The following PRKN variants were observed in gnomAD, a reference collection of about 807,000 sequenced individuals.
PRKN encodes the protein E3 ubiquitin-protein ligase parkin.
Under a neutral mutation model 59.5 loss-of-function variants are expected in PRKN, and 56 were observed. The observed-to-expected ratio is 0.94, with a 90% CI of 0.76 to 1.18. The LOEUF (loss-of-function observed/expected upper bound fraction) is 1.18, where lower values mean the gene tolerates loss of function less well. Ranked by LOEUF, PRKN falls within the 50% of genes most tolerant of loss-of-function variation. The pLI, the probability that PRKN is intolerant of heterozygous loss-of-function variation, is 0.00. For synonymous variants in PRKN, 250 were observed against 222.1 expected (o/e 1.13, Z -1.12); for missense variants, 657 against 596.4 (o/e 1.10, Z -1.06).
At chr6:162,430,572 G>A (rs906542699) in intron 2 of PRKN, among the ~76,000 whole-genome samples, 9 of 143,728 alleles carry the variant, frequency 6.3e-5, no homozygotes, top group African/African-American at 1.9e-4. Context: ...ACAGAATGGG[G>A]AAACTGGCTT....
chr6:161,484,429 G>A lies in PRKN; in HGVS notation c.1083+64425C>T, dbSNP rs1214339807. 6.6e-6 allele frequency among the ~76,000 whole-genome samples: 1 copy of A among 152,124 alleles called. No individual in the cohort carries two copies. The highest frequency in any genetic ancestry group is 2.4e-5 in the African/African-American group (1 of 41,400). On this transcript the variant is annotated intron_variant, in intron 9 of 11. Coordinates refer to ENST00000366898, the MANE Select transcript of PRKN (RefSeq NM_004562.3). This position sits in a 1 kb window ranked among gnomAD's most constrained non-coding sequence, Gnocchi z 4.9. ...ACAATAACTAAGATGCACTGGGTAC[G>A]TTACGTGTTAGGGAGCGTCCCAAGT... is the stretch of plus-strand genomic sequence containing the variant.
At chr6:161,622,416 C>G (rs1782940230) in intron 7 of PRKN, among the ~76,000 whole-genome samples, 1 of 152,176 alleles carries the variant, frequency 6.6e-6, no homozygotes, top group Non-Finnish European at 1.5e-5. Context: ...TCCCCAGGCC[C>G]CTAAAGGAGG....
chr6:162,102,150 C>T (rs1779996779), intron 4 of PRKN, among the ~76,000 whole-genome samples: 1 of 152,152 alleles, frequency 6.6e-6, no homozygotes, highest in African/African-American at 2.4e-5. Flanking sequence ...GTATTAAACC[C>T]AGCTTGCATT....
chr6:162,105,250 G>T (rs141114718), intron 4 of PRKN, among the ~76,000 whole-genome samples: 1 of 152,270 alleles, frequency 6.6e-6, no homozygotes, highest in East Asian at 1.9e-4. Flanking sequence ...CTTCTCAATA[G>T]TAGTGCCAAG....
intron 6 of PRKN, 31 bp downstream of exon 6, chr6:161,973,271 G>A (rs758101954): frequency 7.4e-7 from 1 of 1,358,902 alleles, no homozygotes. Flanking sequence ...CACGTCCGTG[G>A]AGGGAAGTGA....
chr6:161,899,738 C>A (rs889857450), intron 6 of PRKN, among the ~76,000 whole-genome samples: 5 of 152,178 alleles, frequency 3.3e-5, no homozygotes, highest in Non-Finnish European at 7.3e-5. Flanking sequence ...CTCCAGTCAT[C>A]TACAAATAGG....
chr6:162,055,515 G>A (rs115638063), intron 4 of PRKN, among the ~76,000 whole-genome samples: 2,451 of 152,228 alleles, frequency 0.016, 54 homozygotes, highest in African/African-American at 0.056. Context: ...CCTCCTCACC[G>A]TGGGTGGAGC....
At chr6:161,711,721 C>T (rs138440052) in intron 7 of PRKN, among the ~76,000 whole-genome samples, 10,505 of 152,184 alleles carry the variant, frequency 0.069, 678 homozygotes, top group African/African-American at 0.17. Flanking sequence ...TAATCAGCTG[C>T]CAGCACAGCT....
intron 4 of PRKN, among the ~76,000 whole-genome samples, chr6:162,093,344 G>T (rs920108344): frequency 2.0e-5 from 3 of 152,042 alleles, no homozygotes; most frequent in African/African-American, 7.2e-5. Context: ...CTAGCATCAC[G>T]CTCCTCATGG....
At chr6:162,094,968 AGAT>A (rs1385954402) in intron 4 of PRKN, among the ~76,000 whole-genome samples, 9 of 152,132 alleles carry the variant, frequency 5.9e-5, no homozygotes, top group Non-Finnish European at 5.9e-5. Context: ...ATAGATAGAT[AGAT>A]GATAGGTAGA....
At chr6:162,085,348 T>C (rs567453164) in intron 4 of PRKN, among the ~76,000 whole-genome samples, 1 of 152,096 alleles carries the variant, frequency 6.6e-6, no homozygotes, top group African/African-American at 2.4e-5. Flanking sequence ...CTTACTAATT[T>C]ATATTAATGA....
intron 4 of PRKN, among the ~76,000 whole-genome samples, chr6:162,102,755 A>G (rs1406718327): frequency 2.1e-5 from 3 of 143,980 alleles, no homozygotes; most frequent in Non-Finnish European, 4.4e-5. Flanking sequence ...GCAGAAATAC[A>G]TAACTTGCCC....
At chr6:162,520,719 T>G (rs2128193414) in intron 1 of PRKN, among the ~76,000 whole-genome samples, 1 of 152,256 alleles carries the variant, frequency 6.6e-6, no homozygotes, top group African/African-American at 2.4e-5. Context: ...TGGTATTTAC[T>G]TCACTATTTC....
chr6:162,300,814 T>G (rs1781909523), intron 2 of PRKN, among the ~76,000 whole-genome samples: 1 of 152,152 alleles, frequency 6.6e-6, no homozygotes, highest in Non-Finnish European at 1.5e-5. Context: ...CTTATTCTTT[T>G]TGTAGACAAC....
intron 6 of PRKN, among the ~76,000 whole-genome samples, chr6:161,854,066 T>C (rs1422474026): frequency 2.2e-5 from 3 of 138,328 alleles, no homozygotes; most frequent in Non-Finnish European, 4.6e-5. Flanking sequence ...GCCATCATGG[T>C]GAAACCCTGT....
chr6:162,236,351 C>A (rs2128088851), intron 3 of PRKN, among the ~76,000 whole-genome samples: 1 of 152,304 alleles, frequency 6.6e-6, no homozygotes, highest in South Asian at 2.1e-4. Context: ...GAACCCTGAC[C>A]TCAACCCCAG....
At chr6:162,628,696 A>T (rs2849507) in intron 1 of PRKN, among the ~76,000 whole-genome samples, 93,139 of 151,902 alleles carry the variant, frequency 0.61, 29,270 homozygotes, top group African/African-American at 0.75. Flanking sequence ...GTAATTATTG[A>T]ATAATAACAA....
chr6:162,461,527 A>AAAG (rs1791175056), intron 1 of PRKN, among the ~76,000 whole-genome samples: 1 of 140,450 alleles, frequency 7.1e-6, no homozygotes, highest in Non-Finnish European at 1.5e-5. Flanking sequence ...AAAAAAAAAA[A>AAAG]AGAAAGAAAA....
intron 2 of PRKN, among the ~76,000 whole-genome samples, chr6:162,356,507 A>C (rs370563501): frequency 6.6e-6 from 1 of 151,774 alleles, no homozygotes; most frequent in South Asian, 2.1e-4. Context: ...AGACTACAAT[A>C]TTTAAGAAAT....
Sources: allele counts gnomAD v4.1 joint callset (sites outside exome capture counted in the v4.1 genomes callset), GRCh38; gene constraint gnomAD v4.1.1; non-coding constraint Gnocchi (gnomAD v3.1); transcripts MANE v1.5; gene names NCBI Gene and HGNC (gene_info 2026-07-23, HGNC 2026-07-21).